PDLIM5: variants seen among roughly 807,000 people sequenced by gnomAD.
PDLIM5 encodes PDZ and LIM domain protein 5.
A neutral mutation model predicts 64.2 loss-of-function variants in PDLIM5; 34 were observed. The observed-to-expected ratio is 0.53, with a 90% CI of 0.40 to 0.71. PDLIM5 has a LOEUF of 0.71. Ranked by LOEUF, PDLIM5 falls within the 30% of genes least tolerant of loss-of-function variation. The pLI is 0.00. For missense variants in PDLIM5, 683 were observed against 733.6 expected (o/e 0.93, Z 0.80); for synonymous variants, 253 against 269.1 (o/e 0.94, Z 0.59).
intron 3 of PDLIM5, among the ~76,000 whole-genome samples, chr4:94,537,962 T>C (rs1315890082): frequency 6.6e-6 from 1 of 152,188 alleles, no homozygotes; most frequent in Non-Finnish European, 1.5e-5. Flanking sequence ...GTAAGAATTT[T>C]CGCCATTAAA....
chr4:94,575,136 A>G (rs1409992393), intron 4 of PDLIM5, among the ~76,000 whole-genome samples: 1 of 152,028 alleles, frequency 6.6e-6, no homozygotes, highest in African/African-American at 2.4e-5. Context: ...TCTGCGTGAA[A>G]CAAATGATTC....
intron 2 of PDLIM5, among the ~76,000 whole-genome samples, chr4:94,480,636 G>C (rs1320516011): frequency 6.6e-6 from 1 of 152,146 alleles, no homozygotes; most frequent in Non-Finnish European, 1.5e-5. Context: ...CCTTAGGGAA[G>C]ATACAGAAAG....
intron 3 of PDLIM5, among the ~76,000 whole-genome samples, chr4:94,532,416 CT>C (rs1163543472): frequency 1.3e-5 from 2 of 152,198 alleles, no homozygotes; most frequent in Non-Finnish European, 2.9e-5. Context: ...GCCGCCTAAG[CT>C]TCTACAGCCC....
chr4:94,484,921 T>A (rs1425728983), intron 2 of PDLIM5, among the ~76,000 whole-genome samples: 1 of 152,174 alleles, frequency 6.6e-6, no homozygotes, highest in Admixed American at 6.5e-5. Context: ...TATCTTGACA[T>A]GGGGAGCGTC....
At chr4:94,475,707 C>G (rs1424040066) in intron 2 of PDLIM5, among the ~76,000 whole-genome samples, 1 of 151,972 alleles carries the variant, frequency 6.6e-6, no homozygotes, top group Non-Finnish European at 1.5e-5. Flanking sequence ...TATGAATATA[C>G]TTAACATTAC....
intron 5 of PDLIM5, among the ~76,000 whole-genome samples, 181 bp downstream of exon 5, chr4:94,576,215 C>T (rs1735241913): frequency 1.3e-5 from 2 of 152,196 alleles, no homozygotes; most frequent in Non-Finnish European, 2.9e-5. Context: ...AAGCAATTAT[C>T]ACTTATTCAA....
chr4:94,567,490 C>T (rs1485774486), intron 3 of PDLIM5, among the ~76,000 whole-genome samples: 1 of 144,734 alleles, frequency 6.9e-6, no homozygotes, highest in Non-Finnish European at 1.5e-5. Context: ...TCAGAGAATG[C>T]AATTCTAGTA....
chr4:94,645,240 G>A (rs1377161735), intron 9 of PDLIM5, among the ~76,000 whole-genome samples: 1 of 152,162 alleles, frequency 6.6e-6, no homozygotes, highest in Non-Finnish European at 1.5e-5. Flanking sequence ...TGCTGTGAAT[G>A]CCATTAATTT....
intron 3 of PDLIM5, among the ~76,000 whole-genome samples, chr4:94,569,508 T>C (rs1734625598): frequency 6.6e-6 from 1 of 152,004 alleles, no homozygotes; most frequent in Non-Finnish European, 1.5e-5. Flanking sequence ...TTAGTAGAGA[T>C]GGGGTTTCAC....
chr4:94,651,611 C>T (rs1741850297), intron 9 of PDLIM5, among the ~76,000 whole-genome samples: 1 of 152,166 alleles, frequency 6.6e-6, no homozygotes. Context: ...ATGACCTGCC[C>T]ACTTGCCTCT....
chr4:94,499,451 T>C (rs72876237), intron 2 of PDLIM5, among the ~76,000 whole-genome samples: 2,326 of 152,300 alleles, frequency 0.015, 58 homozygotes, highest in African/African-American at 0.053. Context: ...GTTCTGCATC[T>C]GTGGATTGAA....
chr4:94,456,436 G>T, intron 2 of PDLIM5: 2 of 695,632 alleles, frequency 2.9e-6, no homozygotes, highest in African/African-American at 1.8e-5. Context: ...GACCTCAGGT[G>T]ATCTGCCCAC....
intron 8 of PDLIM5, among the ~76,000 whole-genome samples, chr4:94,625,630 T>C (rs1461626455): frequency 6.6e-6 from 1 of 152,096 alleles, no homozygotes; most frequent in Non-Finnish European, 1.5e-5. Flanking sequence ...TGTTTTTGTA[T>C]TTTTAGTAGA....
intron 8 of PDLIM5, among the ~76,000 whole-genome samples, chr4:94,634,196 T>C (rs1264669929): frequency 6.6e-6 from 1 of 152,146 alleles, no homozygotes; most frequent in Non-Finnish European, 1.5e-5. Flanking sequence ...GACTTCATTT[T>C]TACTGACTTT....
intron 2 of PDLIM5, among the ~76,000 whole-genome samples, chr4:94,461,147 G>A (rs576549450): frequency 2.6e-5 from 4 of 152,276 alleles, no homozygotes; most frequent in South Asian, 2.1e-4. Flanking sequence ...AGAAGCAAAC[G>A]TTGCTTTAGA....
At chr4:94,485,042 C>G (rs1726191707) in intron 2 of PDLIM5, among the ~76,000 whole-genome samples, 1 of 151,986 alleles carries the variant, frequency 6.6e-6, no homozygotes, top group East Asian at 1.9e-4. Flanking sequence ...AGGGGACTTT[C>G]CTCCATCACG....
chr4:94,466,783 T>G (rs1183473888), intron 2 of PDLIM5, among the ~76,000 whole-genome samples: 4 of 152,228 alleles, frequency 2.6e-5, no homozygotes, highest in African/African-American at 9.6e-5. Context: ...TAATATATGA[T>G]GTCAGGTATT....
chr4:94,579,439 T>C, intron 5 of PDLIM5: 1 of 612,968 alleles, frequency 1.6e-6, no homozygotes. Flanking sequence ...AGCTCCTGTG[T>C]GATACTTTGA....
At chr4:94,556,297 G>C (rs1733314353) in intron 3 of PDLIM5, among the ~76,000 whole-genome samples, 1 of 152,072 alleles carries the variant, frequency 6.6e-6, no homozygotes. Flanking sequence ...TCTTAATCTA[G>C]CCTATCATTG....
Sources: allele counts gnomAD v4.1 joint callset (sites outside exome capture counted in the v4.1 genomes callset), GRCh38; gene constraint gnomAD v4.1.1; transcripts MANE v1.5; gene names NCBI Gene and HGNC (gene_info 2026-07-23, HGNC 2026-07-21).